PIGL: variants seen among roughly 807,000 people sequenced by gnomAD.
PIGL encodes N-acetylglucosaminyl-phosphatidylinositol de-N-acetylase.
PIGL carries 22 observed loss-of-function variants against 31.1 expected under a neutral mutation model. The observed-to-expected ratio is 0.71, with a 90% confidence interval of 0.51 to 1.01. The LOEUF (loss-of-function observed/expected upper bound fraction) is 1.01, where lower values mean the gene tolerates loss of function less well. PIGL is among the 50% of genes least tolerant of loss of function. The pLI is 0.00. For missense variants in PIGL, 302 were observed against 315.9 expected (o/e 0.96, Z 0.33); for synonymous variants, 131 against 117.4 (o/e 1.12, Z -0.75).
At chr17:16,237,629 C>T (rs749234883) in intron 2 of PIGL, among the ~76,000 whole-genome samples, 3 of 150,364 alleles carry the variant, frequency 2.0e-5, no homozygotes, top group Non-Finnish European at 4.4e-5. Context: ...GGTGAAACCC[C>T]GTCTCTACTA....
chr17:16,275,627 G>A (rs2092891749), intron 2 of PIGL, among the ~76,000 whole-genome samples: 1 of 152,176 alleles, frequency 6.6e-6, no homozygotes, highest in Non-Finnish European at 1.5e-5. Context: ...GTAGAGGGAT[G>A]AAGATCCATC....
At chr17:16,227,414 G>T (rs893244409) in intron 1 of PIGL, among the ~76,000 whole-genome samples, 1 of 151,840 alleles carries the variant, frequency 6.6e-6, no homozygotes, top group Admixed American at 6.6e-5. Flanking sequence ...CCCAGTGAAA[G>T]GTAGCAATTT....
intron 1 of PIGL, among the ~76,000 whole-genome samples, chr17:16,227,577 T>TC (rs1367089241): frequency 8.0e-6 from 1 of 124,578 alleles, no homozygotes; most frequent in African/African-American, 3.2e-5. Flanking sequence ...AATTTTCTTT[T>TC]CTTTTTTTTT....
rs182118715 is a variant in PIGL, at chr17:16,276,503, C to T, written c.336-23385C>T. Among the ~76,000 whole-genome samples, 49 of 152,276 alleles carry T rather than the reference C, an allele frequency of 3.2e-4. No homozygotes were observed. The East Asian group carries it at 8.3e-3, about 26-fold the overall frequency. On this transcript the variant is annotated intron_variant, in intron 2 of 6. Coordinates refer to ENST00000225609, the MANE Select transcript of PIGL (RefSeq NM_004278.4). ...ATCCCAGCACTTTGGGAGGCCAAGG[C>T]GGGTGGATCACCTGAGGTCAAGAGT... is the stretch of plus-strand genomic sequence containing the variant.
At chr17:16,251,112 G>C (rs1259751943) in intron 2 of PIGL, among the ~76,000 whole-genome samples, 1 of 152,162 alleles carries the variant, frequency 6.6e-6, no homozygotes, top group Non-Finnish European at 1.5e-5. Flanking sequence ...CAGGGAAGCA[G>C]ATCACCACTT....
intron 2 of PIGL, among the ~76,000 whole-genome samples, chr17:16,238,909 C>CA (rs892510303): frequency 0.5 from 37,482 of 75,256 alleles, 8,393 homozygotes; most frequent in Middle Eastern, 0.6. Context: ...GACCCCGTCT[C>CA]AAAAAAAAAA....
intron 2 of PIGL, among the ~76,000 whole-genome samples, chr17:16,276,338 C>A (rs2092895336): frequency 2.0e-5 from 3 of 152,182 alleles, no homozygotes. Flanking sequence ...CATTATCTAT[C>A]CCTCTTGTTT....
chr17:16,315,140 A>C (rs112819452), intron 4 of PIGL, among the ~76,000 whole-genome samples: 1,760 of 152,290 alleles, frequency 0.012, 46 homozygotes, highest in African/African-American at 0.04. Context: ...CCAAGGGGAC[A>C]ACTCTGTGTA....
In PIGL at chr17:16,252,590, G is replaced by A. The variant is rs751517781; in HGVS notation, c.335+18520G>A. Among the ~76,000 whole-genome samples, 279 of 148,876 alleles carry A rather than the reference G, an allele frequency of 1.9e-3. 1 individual carries two copies. The highest frequency in any genetic ancestry group is 3.1e-3 in the Non-Finnish European group (209 of 67,414). The stretch of plus-strand genomic sequence containing the variant: ...TATACATATAATTATATAATTATAT[G>A]TATATAATTTTTAAAACATATATAT... On this transcript the variant is annotated intron_variant, in intron 2 of 6. Transcript: ENST00000225609.
At chr17:16,248,721 A>G (rs1246026839) in intron 2 of PIGL, among the ~76,000 whole-genome samples, 1 of 152,130 alleles carries the variant, frequency 6.6e-6, no homozygotes, top group Non-Finnish European at 1.5e-5. Flanking sequence ...ACCTCTACCC[A>G]TTATCTAGTT....
At chr17:16,253,945 TA>T (rs112234439) in intron 2 of PIGL, among the ~76,000 whole-genome samples, 2,483 of 142,370 alleles carry the variant, frequency 0.017, 47 homozygotes, top group African/African-American at 0.045. Context: ...TTTGTCTAAG[TA>T]AAAAAAAAAA....
chr17:16,322,301 G>T (rs2093109505), intron 6 of PIGL, among the ~76,000 whole-genome samples: 1 of 151,628 alleles, frequency 6.6e-6, no homozygotes, highest in African/African-American at 2.4e-5. Context: ...GCCATGTTTG[G>T]CCAGGCCAGT....
At position 16,326,021 on chromosome 17, in the gene PIGL, G is replaced by A; in HGVS notation, c.*123G>A. On this transcript the variant is annotated 3_prime_UTR_variant, in exon 7 of 7. Coordinates refer to ENST00000225609, the MANE Select transcript of PIGL (RefSeq NM_004278.4). ...GGAGATCCCCGCTGGAGCAGCCTCT[G>A]CAAAAGGGAGCCCATGTAGGCCAGG... is the stretch of plus-strand genomic sequence containing the variant. 1 of 681,482 alleles carries A rather than the reference G, an allele frequency of 1.5e-6. No homozygotes were observed. The highest frequency in any genetic ancestry group is 2.5e-6 in the Non-Finnish European group (1 of 398,790). 42.2% of individuals were successfully genotyped at this position (681,482 alleles called of 1,614,324 possible). A position where few individuals can be genotyped will look rare whatever the true frequency, so the allele number is the denominator to read the frequency against.
intron 2 of PIGL, among the ~76,000 whole-genome samples, chr17:16,259,903 C>T (rs1036729165): frequency 6.6e-6 from 1 of 152,218 alleles, no homozygotes; most frequent in Non-Finnish European, 1.5e-5. Context: ...CAGGAAGCCC[C>T]CTGCCCCCAC....
intron 1 of PIGL, among the ~76,000 whole-genome samples, chr17:16,233,317 G>C (rs2092686557): frequency 6.6e-6 from 1 of 152,058 alleles, no homozygotes; most frequent in African/African-American, 2.4e-5. Flanking sequence ...TTACAGAGGA[G>C]TTTTATTTAC....
intron 6 of PIGL, among the ~76,000 whole-genome samples, chr17:16,319,223 C>CAAAAAAAAAAAAAAA (rs11379081): frequency 1.2e-5 from 1 of 82,980 alleles, no homozygotes; most frequent in South Asian, 5.2e-4. Context: ...AGACCCTAGC[C>CAAAAAAAAAAAAAAA]AAAAAAAAAA....
intron 3 of PIGL, among the ~76,000 whole-genome samples, chr17:16,311,463 C>CTTTATTTTTTTTTTTTTTTTTT (rs1313783180): frequency 1.7e-4 from 1 of 5,838 alleles, no homozygotes; most frequent in African/African-American, 6.5e-4. Flanking sequence ...CAGAGGTTTT[C>CTTTATTTTTTTTTTTTTTTTTT]TTTCTTTTTT....
chr17:16,275,543 A>C (rs1373328657), intron 2 of PIGL, among the ~76,000 whole-genome samples: 1 of 152,112 alleles, frequency 6.6e-6, no homozygotes, highest in Admixed American at 6.6e-5. Flanking sequence ...TTCAAGATGG[A>C]ATTGCTGTGG....
At chr17:16,318,044 G>C (rs1030844545) in intron 6 of PIGL, 136 bp downstream of exon 6, 2 of 646,386 alleles carry the variant, frequency 3.1e-6, no homozygotes, top group African/African-American at 3.8e-5. Context: ...GAGAATTAGG[G>C]CTAGGCCAGC....
Sources: allele counts gnomAD v4.1 joint callset (sites outside exome capture counted in the v4.1 genomes callset), GRCh38; gene constraint gnomAD v4.1.1; transcripts MANE v1.5; gene names NCBI Gene and HGNC (gene_info 2026-07-23, HGNC 2026-07-21).